LAMA2: variants seen among roughly 807,000 people sequenced by gnomAD.
LAMA2 encodes the protein laminin subunit alpha 2, also known as laminin subunit alpha-2.
A neutral mutation model predicts 364.8 loss-of-function variants in LAMA2; 269 were observed. The observed-to-expected ratio is 0.74, with a 90% CI of 0.67 to 0.82. LAMA2 has a LOEUF of 0.82. Ranked by LOEUF, LAMA2 falls within the 40% of genes least tolerant of loss-of-function variation. The probability of loss-of-function intolerance (pLI) is 0.00; values close to 1 mark genes in which losing one functional copy is unlikely to be tolerated. For synonymous variants in LAMA2, 1,379 were observed against 1,370.6 expected (o/e 1.01, Z -0.14); for missense variants, 3,807 against 3,873.2 (o/e 0.98, Z 0.45).
intron 4 of LAMA2, among the ~76,000 whole-genome samples, chr6:129,138,045 G>A (rs562218930): frequency 6.6e-6 from 1 of 152,146 alleles, no homozygotes; most frequent in East Asian, 1.9e-4. Context: ...TAAATGGCAA[G>A]CAGTGAGAAC....
chr6:129,514,598 G>T lies in LAMA2; in HGVS notation c.9211+3G>T, dbSNP rs1786881092. ...TGTGTTTGTTGGAGGCTTCCCAGGT[G>T]AGTGTTGGCTACCCCAGCAACAATT... On this transcript the variant is annotated splice_donor_region_variant and intron_variant, in intron 64 of 64. Coordinates refer to ENST00000421865, the MANE Select transcript of LAMA2 (RefSeq NM_000426.4). The T allele has an allele frequency of 6.2e-7, 1 of 1,610,200 alleles. No homozygotes were observed. Among genetic ancestry groups the T allele is most frequent in the African/African-American group, 1.3e-5 (1 of 74,838 alleles).
At chr6:129,281,433 T>G (rs760997043) in intron 18 of LAMA2, among the ~76,000 whole-genome samples, 11 of 152,204 alleles carry the variant, frequency 7.2e-5, no homozygotes, top group Non-Finnish European at 1.5e-4. Flanking sequence ...GTACTTATAT[T>G]GCTTTGCTTT....
chr6:129,354,401 G>A (rs1173051727), intron 32 of LAMA2, among the ~76,000 whole-genome samples: 1 of 151,930 alleles, frequency 6.6e-6, no homozygotes, highest in East Asian at 1.9e-4. Flanking sequence ...TAGGTGAGAG[G>A]GGAGAGATTA....
chr6:129,330,615 T>TTTC (rs1398796911), intron 29 of LAMA2, among the ~76,000 whole-genome samples: 48 of 149,254 alleles, frequency 3.2e-4, no homozygotes, highest in African/African-American at 5.7e-4. Context: ...TTTTTTTTTT[T>TTTC]CCCACTGTGT....
intron 9 of LAMA2, among the ~76,000 whole-genome samples, chr6:129,172,430 T>G (rs1469064171): frequency 6.6e-6 from 1 of 152,310 alleles, no homozygotes; most frequent in Non-Finnish European, 1.5e-5. Flanking sequence ...TGCAATACCC[T>G]GCCGTGTGAG....
intron 12 of LAMA2, among the ~76,000 whole-genome samples, chr6:129,227,736 C>G (rs1784406380): frequency 6.6e-6 from 1 of 152,156 alleles, no homozygotes; most frequent in African/African-American, 2.4e-5. Flanking sequence ...CAGTCTGCCC[C>G]TACTGGGTGG....
At chr6:129,032,773 G>A (rs1786328851) in intron 1 of LAMA2, among the ~76,000 whole-genome samples, 1 of 152,178 alleles carries the variant, frequency 6.6e-6, no homozygotes, top group Admixed American at 6.5e-5. Flanking sequence ...ACCCTGGAGA[G>A]AAGCAGATGG....
intron 4 of LAMA2, among the ~76,000 whole-genome samples, chr6:129,115,618 C>G (rs1035714807): frequency 6.6e-6 from 1 of 152,016 alleles, no homozygotes; most frequent in Non-Finnish European, 1.5e-5. Flanking sequence ...TCTCTCCTAC[C>G]AGCTTTTCCC....
chr6:129,237,717 A>G (rs1343016968), intron 12 of LAMA2, among the ~76,000 whole-genome samples: 1 of 152,132 alleles, frequency 6.6e-6, no homozygotes, highest in Non-Finnish European at 1.5e-5. Context: ...GTATATATGC[A>G]TTTATAATTT....
chr6:129,439,568 C>T (rs1781997255), intron 42 of LAMA2, among the ~76,000 whole-genome samples: 1 of 151,986 alleles, frequency 6.6e-6, no homozygotes, highest in South Asian at 2.1e-4. Flanking sequence ...CTTTCAAAAA[C>T]ATTAGTGGTC....
At chr6:129,005,369 C>T (rs953379235) in intron 1 of LAMA2, among the ~76,000 whole-genome samples, 13 of 151,818 alleles carry the variant, frequency 8.6e-5, no homozygotes, top group Non-Finnish European at 2.9e-5. Flanking sequence ...CATTCTCTGA[C>T]CACTCTAATA....
chr6:129,424,744 A>G (rs1323457446), intron 40 of LAMA2, among the ~76,000 whole-genome samples: 1 of 152,082 alleles, frequency 6.6e-6, no homozygotes, highest in East Asian at 1.9e-4. Flanking sequence ...TGCAGCTCTC[A>G]TACACTGGTG....
intron 3 of LAMA2, among the ~76,000 whole-genome samples, chr6:129,060,817 T>A (rs1276546282): frequency 6.6e-6 from 1 of 152,182 alleles, no homozygotes; most frequent in Non-Finnish European, 1.5e-5. Context: ...GCTGCATATA[T>A]TCAAGAGCCA....
At chr6:128,967,147 C>T (rs985762343) in intron 1 of LAMA2, among the ~76,000 whole-genome samples, 1 of 152,168 alleles carries the variant, frequency 6.6e-6, no homozygotes, top group African/African-American at 2.4e-5. Context: ...GGCCTAGGCT[C>T]TTTGCAGACA....
At chr6:129,486,651 T>C in intron 56 of LAMA2, 29 bp downstream of exon 56, 1 of 1,605,002 alleles carries the variant, frequency 6.2e-7, no homozygotes, top group South Asian at 1.1e-5. Flanking sequence ...TATTTATTAT[T>C]GTAACTCAGG....
chr6:129,478,376 A>G (rs1368922130), intron 53 of LAMA2, among the ~76,000 whole-genome samples: 1 of 152,172 alleles, frequency 6.6e-6, no homozygotes, highest in Non-Finnish European at 1.5e-5. Context: ...AAAAAAATAA[A>G]ACTTATTTCA....
intron 3 of LAMA2, 88 bp from the exon 4 acceptor site, chr6:129,098,085 T>C (rs990008406): frequency 3.0e-6 from 4 of 1,332,592 alleles, no homozygotes; most frequent in Non-Finnish European, 4.3e-6. Flanking sequence ...TGAAATAAAA[T>C]CTACTGTAGC....
intron 4 of LAMA2, among the ~76,000 whole-genome samples, chr6:129,104,572 AG>A (rs1407439996): frequency 1.3e-5 from 2 of 152,202 alleles, no homozygotes; most frequent in African/African-American, 4.8e-5. Context: ...AATCTATTAA[AG>A]GATATTCAAG....
At chr6:129,409,908 T>C (rs1055808747) in intron 40 of LAMA2, among the ~76,000 whole-genome samples, 1 of 152,188 alleles carries the variant, frequency 6.6e-6, no homozygotes, top group Non-Finnish European at 1.5e-5. Context: ...TTTGCATCCT[T>C]CAATACAATC....
Sources: gnomAD v4.1 joint callset for allele counts (sites outside exome capture counted in the v4.1 genomes callset) on GRCh38, gnomAD v4.1.1 for gene constraint, MANE v1.5 for transcripts, NCBI Gene and HGNC (gene_info 2026-07-23, HGNC 2026-07-21) for gene names.